Variants in TBCA observed in about 807,000 individuals in gnomAD.
The protein encoded by TBCA is tubulin-specific chaperone A.
Under a neutral mutation model 15.8 loss-of-function variants are expected in TBCA, and 6 were observed. The ratio of observed to expected loss-of-function variants is 0.38; its 90% CI spans 0.21 to 0.75. The LOEUF is 0.75. Among genes scored for constraint, TBCA ranks in the 30% least tolerant of loss-of-function variants. The pLI, the probability that TBCA is intolerant of heterozygous loss-of-function variation, is 0.46. For synonymous variants in TBCA, 32 were observed against 42.3 expected, an observed-to-expected ratio of 0.76 and a Z score of 0.94; for missense variants, 90 against 131.2, an observed-to-expected ratio of 0.69 and a Z score of 1.53.
At chr5:77,759,246 GGTTGA>G (rs1281940942) in intron 1 of TBCA, among the ~76,000 whole-genome samples, 9 of 151,914 alleles carry the variant, frequency 5.9e-5, no homozygotes, top group Non-Finnish European at 5.9e-5. Flanking sequence ...ATTGGTAATT[GGTTGA>G]GTTATTATCC....
intron 2 of TBCA, among the ~76,000 whole-genome samples, chr5:77,704,262 A>G (rs947198708): frequency 1.6e-4 from 24 of 152,172 alleles, no homozygotes; most frequent in Admixed American, 5.9e-4. Flanking sequence ...GAGCCACTGC[A>G]CCTGGCCTAA....
At chr5:77,755,992 C>CGA (rs1312163035) in intron 1 of TBCA, among the ~76,000 whole-genome samples, 2 of 152,020 alleles carry the variant, frequency 1.3e-5, no homozygotes, top group Non-Finnish European at 2.9e-5. Flanking sequence ...TCAACAAGAG[C>CGA]GAAACTTTAT....
At chr5:77,733,254 C>G (rs1746816562) in intron 1 of TBCA, among the ~76,000 whole-genome samples, 1 of 152,140 alleles carries the variant, frequency 6.6e-6, no homozygotes, top group African/African-American at 2.4e-5. Flanking sequence ...GCACTCCAGC[C>G]TGGGCAACAG....
At chr5:77,759,238 T>C (rs1244931353) in intron 1 of TBCA, among the ~76,000 whole-genome samples, 1 of 152,028 alleles carries the variant, frequency 6.6e-6, no homozygotes, top group Non-Finnish European at 1.5e-5. Context: ...ATATTCTGAT[T>C]GGTAATTGGT....
At chr5:77,697,677 A>G (rs761764838) in intron 2 of TBCA, among the ~76,000 whole-genome samples, 1 of 152,184 alleles carries the variant, frequency 6.6e-6, no homozygotes, top group Non-Finnish European at 1.5e-5. Context: ...TCTGAAATTA[A>G]TAATCTTGTT....
At chr5:77,713,897 G>A (rs1036753330) in intron 1 of TBCA, among the ~76,000 whole-genome samples, 1 of 131,728 alleles carries the variant, frequency 7.6e-6, no homozygotes. Context: ...AACAAAGCAA[G>A]TAAAGATTTT....
At position 77,721,451 on chromosome 5, in the gene TBCA, C is replaced by T. The variant is rs558335460; in HGVS notation, c.54-13104G>A. 1.1e-3 allele frequency among the ~76,000 whole-genome samples: 171 copies of T among 152,042 alleles called. 2 individuals are homozygous for T. Among genetic ancestry groups the T allele is most frequent in the African/African-American group, 4.0e-3 (164 of 41,472 alleles). ...TATTGATGTCTTAAGTCCTTTTGTA[C>T]AAAAGAATGACAAAATAATCATTAT... On this transcript the variant is annotated intron_variant, in intron 1 of 3. Coordinates refer to ENST00000380377, the MANE Select transcript of TBCA (RefSeq NM_004607.3).
chr5:77,773,574 G>A (rs1222772751), intron 1 of TBCA, among the ~76,000 whole-genome samples: 1 of 152,178 alleles, frequency 6.6e-6, no homozygotes, highest in African/African-American at 2.4e-5. Context: ...ATAAAGGGCA[G>A]AATCAAGATC....
intron 1 of TBCA, among the ~76,000 whole-genome samples, chr5:77,774,629 A>G (rs2112525114): frequency 6.6e-6 from 1 of 152,328 alleles, no homozygotes; most frequent in African/African-American, 2.4e-5. Context: ...GATCAAACCA[A>G]TGTACATCGT....
At chr5:77,768,072 C>G (rs1747824773) in intron 1 of TBCA, among the ~76,000 whole-genome samples, 1 of 152,190 alleles carries the variant, frequency 6.6e-6, no homozygotes, top group African/African-American at 2.4e-5. Context: ...AGAGACCAGG[C>G]CCTCACCAGA....
At chr5:77,737,007 G>A (rs1746924576) in intron 1 of TBCA, among the ~76,000 whole-genome samples, 1 of 152,098 alleles carries the variant, frequency 6.6e-6, no homozygotes, top group Non-Finnish European at 1.5e-5. Flanking sequence ...ATTGTTTCTG[G>A]AATCTAGAAA....
At chr5:77,697,040 A>C (rs566034066) in intron 2 of TBCA, among the ~76,000 whole-genome samples, 72 of 152,358 alleles carry the variant, frequency 4.7e-4, no homozygotes, top group African/African-American at 1.7e-3. Flanking sequence ...TCTACCAAGA[A>C]AATACAGTGA....
intron 2 of TBCA, 60 bp from the exon 3 acceptor site, chr5:77,693,412 A>T: frequency 6.4e-7 from 1 of 1,554,018 alleles, no homozygotes; most frequent in Non-Finnish European, 8.7e-7. Flanking sequence ...TGTTTAGCTC[A>T]TATCTTGGTA....
intron 1 of TBCA, among the ~76,000 whole-genome samples, chr5:77,712,393 C>T (rs918819296): frequency 2.0e-5 from 3 of 152,094 alleles, no homozygotes; most frequent in African/African-American, 7.2e-5. Context: ...AGTTTTCTCT[C>T]TAGTATTTAC....
intron 1 of TBCA, chr5:77,715,176 T>A: frequency 1.5e-6 from 1 of 689,152 alleles, no homozygotes; most frequent in African/African-American, 1.8e-5. Context: ...GGCCAAGGGA[T>A]CTATTTTTAG....
At chr5:77,747,237 C>T (rs1350778938) in intron 1 of TBCA, among the ~76,000 whole-genome samples, 1 of 151,944 alleles carries the variant, frequency 6.6e-6, no homozygotes, top group Admixed American at 6.6e-5. Flanking sequence ...TGGGAAAATT[C>T]TGGTCTTACT....
chr5:77,731,853 A>G (rs947757113), intron 1 of TBCA, among the ~76,000 whole-genome samples: 1 of 152,240 alleles, frequency 6.6e-6, no homozygotes, highest in Non-Finnish European at 1.5e-5. Flanking sequence ...AAAATGAAAG[A>G]GTTAATAGTT....
chr5:77,731,282 G>A (rs905212714), intron 1 of TBCA, among the ~76,000 whole-genome samples: 1 of 151,994 alleles, frequency 6.6e-6, no homozygotes, highest in African/African-American at 2.4e-5. Context: ...TTACTGATGA[G>A]GTACAATATA....
intron 1 of TBCA, among the ~76,000 whole-genome samples, chr5:77,725,577 C>T (rs558393501): frequency 2.6e-5 from 4 of 152,260 alleles, no homozygotes; most frequent in Admixed American, 6.5e-5. Flanking sequence ...GCTGGGTTGT[C>T]GGCACGACAA....
Sources: gnomAD v4.1 joint callset for allele counts (sites outside exome capture counted in the v4.1 genomes callset) on GRCh38, gnomAD v4.1.1 for gene constraint, MANE v1.5 for transcripts, NCBI Gene and HGNC (gene_info 2026-07-23, HGNC 2026-07-21) for gene names.